GAL: variants seen among roughly 807,000 people sequenced by gnomAD.
The protein encoded by GAL is galanin peptides.
In GAL, 14 loss-of-function variants were observed where a neutral mutation model predicts 15.8. That is an observed-to-expected ratio of 0.89 (90% CI 0.59 to 1.39). The LOEUF (loss-of-function observed/expected upper bound fraction) is 1.39, where lower values mean the gene tolerates loss of function less well. GAL is among the 40% of genes most tolerant of loss of function. GAL has a pLI of 0.00. For missense variants in GAL, 176 were observed against 170.4 expected, an observed-to-expected ratio of 1.03 and a Z score of -0.18; for synonymous variants, 79 against 73.8, an observed-to-expected ratio of 1.07 and a Z score of -0.36.
chr11:68,690,530 A>C (rs1945895357), intron 5 of GAL, among the ~76,000 whole-genome samples: 1 of 152,176 alleles, frequency 6.6e-6, no homozygotes, highest in African/African-American at 2.4e-5. Context: ...GTTGGAGCCC[A>C]GTGGAGCCTC....
rs747411981 is a variant in GAL at position 68,690,983 on chromosome 11, C to T, written c.368C>T (p.Ser123Phe). Residue 123 changes from serine (S) to phenylalanine (F), a missense_variant, in exon 6 of 6, where the codon TCC becomes TTC. Ser to Phe is a radical substitution (Grantham distance 155, BLOSUM62 -2). Coordinates refer to ENST00000265643, the MANE Select transcript of GAL (RefSeq NM_015973.5). ...GCCTCCTCAGAAGACATCGAGCGGT[C>T]CTGAGAGCCTCCTGGGCATGTTTGT... ...AAASSEDIER[S>F] is the part of the protein sequence containing the mutation. 27 of 1,606,256 alleles carry T rather than the reference C, an allele frequency of 1.7e-5. No individual in the cohort carries two copies. In the East Asian group the frequency reaches 4.2e-4, roughly 25 times the overall value.
At chr11:68,685,051 G>C (rs528596322) in intron 2 of GAL, 47 bp downstream of exon 2, 2 of 1,303,172 alleles carry the variant, frequency 1.5e-6, no homozygotes, top group Middle Eastern at 1.9e-4. Context: ...CATCAGAGCC[G>C]GCCGGGCGTG....
At chr11:68,688,321 A>T (rs1349389476) in intron 4 of GAL, among the ~76,000 whole-genome samples, 5 of 152,170 alleles carry the variant, frequency 3.3e-5, no homozygotes, top group Non-Finnish European at 7.3e-5. Context: ...GAGGCTGCCC[A>T]GGCACCAGGG....
Position 68,691,142 on chromosome 11 carries a change from T to C in GAL, c.*155T>C. On this transcript the variant is annotated 3_prime_UTR_variant, in exon 6 of 6. Coordinates refer to ENST00000265643, the MANE Select transcript of GAL (RefSeq NM_015973.5). ...ATTTAAGATTTTTTTTTTTTGGTAA[T>C]TATTTTGAGTGGCAAAATAAAGAAT... The C allele has an allele frequency of 1.7e-6, 1 of 588,192 alleles. No individual in the cohort carries two copies. The highest frequency in any genetic ancestry group is 2.8e-5 in the East Asian group (1 of 36,020). 36.4% of individuals were successfully genotyped at this position (588,192 alleles called of 1,614,324 possible).
At chr11:68,689,792 T>C (rs1241143940) in intron 5 of GAL, among the ~76,000 whole-genome samples, 1 of 152,218 alleles carries the variant, frequency 6.6e-6, no homozygotes, top group African/African-American at 2.4e-5. Flanking sequence ...CAGGCTGCCT[T>C]GAAATCTAAC....
In GAL at chr11:68,684,680, G is replaced by A. The variant is rs530659299; in HGVS notation, c.-53G>A. On this transcript the variant is annotated 5_prime_UTR_variant, in exon 1 of 6. Transcript: ENST00000265643. ...ACGCCCGGACCTGCCGCCCAGACCC[G>A]CCACCGCACCCGGACCCCGACGCTC... 3,376 of 375,248 alleles carry A rather than the reference G, an allele frequency of 9.0e-3. 38 individuals are homozygous for A. Among genetic ancestry groups the A allele is most frequent in the Middle Eastern group, 0.016 (23 of 1,400 alleles). The allele number at this position is 375,248 out of a possible 1,614,324, so 23.2% of individuals were successfully genotyped here.
chr11:68,684,966 G>C lies in GAL; in HGVS notation c.43G>C (p.Ala15Pro). 10 of 1,608,548 alleles carry C rather than the reference G, an allele frequency of 6.2e-6. No homozygotes were observed. Among genetic ancestry groups the C allele is most frequent in the Non-Finnish European group, 8.5e-6 (10 of 1,177,952 alleles). ...CCTCCTGCTCGCCTCCCTCCTCCTC[G>C]CCGCGGCCCTTTCTGCCTCTGCGGG... is the stretch of plus-strand genomic sequence containing the variant. Reference protein sequence around the residue: ...SALLLASLLLAAALSASAGLW... With the variant: ...SALLLASLLLPAALSASAGLW... Residue 15 changes from alanine (A) to proline (P), a missense_variant, in exon 2 of 6, where the codon GCC (alanine) becomes CCC (proline). Physicochemically the swap from Ala to Pro is conservative, Grantham distance 27 (BLOSUM62 -1). Coordinates refer to ENST00000265643, the MANE Select transcript of GAL (RefSeq NM_015973.5).
chr11:68,684,993 C>T lies in GAL; in HGVS notation c.70C>T (p.Leu24Phe). 6 of 1,598,990 alleles carry T rather than the reference C, an allele frequency of 3.8e-6. No homozygotes were observed. The highest frequency in any genetic ancestry group is 2.3e-5 in the South Asian group (2 of 88,748). The change falls in exon 2 of 6, where the codon CTC becomes TTC. Residue 24 changes from leucine (L) to phenylalanine (F), a missense_variant. Transcript: ENST00000265643. ...CGCGGCCCTTTCTGCCTCTGCGGGGCTCTGGTCGCCGGTAAGTGCGGGGCG... is the reference window on the plus strand; with the variant it reads ...CGCGGCCCTTTCTGCCTCTGCGGGGTTCTGGTCGCCGGTAAGTGCGGGGCG... ...LAAALSASAG[L>F]WSPAKEKRGW...
At chr11:68,685,480 A>G in intron 2 of GAL, 114 bp from the exon 3 acceptor site, 1 of 749,948 alleles carries the variant, frequency 1.3e-6, no homozygotes, top group Non-Finnish European at 2.4e-6. Flanking sequence ...CGAGCTATCC[A>G]AAAGCACATG....
intron 4 of GAL, among the ~76,000 whole-genome samples, 155 bp from the exon 5 acceptor site, chr11:68,688,694 T>C (rs1236941288): frequency 6.6e-6 from 1 of 152,024 alleles, no homozygotes; most frequent in Admixed American, 6.5e-5. Flanking sequence ...CTCCCTCACA[T>C]TGAACAAGGG....
intron 3 of GAL, among the ~76,000 whole-genome samples, chr11:68,687,734 T>C (rs1945867052): frequency 6.6e-6 from 1 of 152,058 alleles, no homozygotes; most frequent in African/African-American, 2.4e-5. Context: ...ACAGGGCAGG[T>C]TCTGGGCCTC....
rs1005559426 is a variant in GAL at position 68,686,028 on chromosome 11, C to T, written c.136+380C>T. 2.6e-5 allele frequency among the ~76,000 whole-genome samples: 4 copies of T among 152,168 alleles called. No individual in the cohort carries two copies. In the East Asian group the frequency reaches 7.7e-4, roughly 29 times the overall value. ...GGACCCCAAATCCTGCCTCCCTCTTCCCTTTCTCCAAGCTCCACACGGGAA... is the reference window on the plus strand; with the variant it reads ...GGACCCCAAATCCTGCCTCCCTCTTTCCTTTCTCCAAGCTCCACACGGGAA... On this transcript the variant is annotated intron_variant, in intron 3 of 5. Coordinates refer to ENST00000265643, the MANE Select transcript of GAL (RefSeq NM_015973.5).
intron 4 of GAL, among the ~76,000 whole-genome samples, chr11:68,688,301 T>A (rs1945873616): frequency 6.6e-6 from 1 of 152,058 alleles, no homozygotes; most frequent in South Asian, 2.1e-4. Context: ...AAGGGGTCCT[T>A]CTAGGCTGGG....
intron 3 of GAL, among the ~76,000 whole-genome samples, chr11:68,686,112 C>T (rs1283222586): frequency 6.6e-6 from 1 of 152,212 alleles, no homozygotes; most frequent in Non-Finnish European, 1.5e-5. Flanking sequence ...GTTCAGGTGA[C>T]CCTGCCTGCC....
intron 3 of GAL, among the ~76,000 whole-genome samples, chr11:68,686,714 T>A (rs1945856937): frequency 6.6e-6 from 1 of 152,078 alleles, no homozygotes; most frequent in African/African-American, 2.4e-5. Flanking sequence ...CCTCTCATCC[T>A]CTCCCTGCCC....
chr11:68,686,725 A>G (rs183892002), intron 3 of GAL, among the ~76,000 whole-genome samples: 138 of 152,204 alleles, frequency 9.1e-4, no homozygotes, highest in African/African-American at 2.9e-3. Flanking sequence ...CTCCCTGCCC[A>G]TGGAGTGGCC....
intron 3 of GAL, among the ~76,000 whole-genome samples, chr11:68,685,961 A>C (rs3136537): frequency 0.034 from 5,168 of 152,148 alleles, 125 homozygotes; most frequent in Non-Finnish European, 0.049. Flanking sequence ...CGGGTCTCCC[A>C]AAACACTCAA....
chr11:68,685,743 C>A (rs891070816), intron 3 of GAL, 95 bp downstream of exon 3: 5 of 807,688 alleles, frequency 6.2e-6, no homozygotes, highest in Non-Finnish European at 1.1e-5. Context: ...GCTGGGCAGA[C>A]CCTCTGGCCT....
rs1230808063 is a variant in GAL, at chr11:68,690,899, T to C, written c.302-18T>C. ...ATATTAAGAAGTTGCTGCTCAGATGTGGCTCTTCCCTTTGCAGAGGCCGGT... is the reference window on the plus strand; with the variant it reads ...ATATTAAGAAGTTGCTGCTCAGATGCGGCTCTTCCCTTTGCAGAGGCCGGT... On this transcript the variant is annotated intron_variant, in intron 5 of 5. Coordinates refer to ENST00000265643, the MANE Select transcript of GAL (RefSeq NM_015973.5). The C allele has an allele frequency of 6.3e-7, 1 of 1,575,206 alleles. No homozygotes were observed.
Sources: allele counts gnomAD v4.1 joint callset (sites outside exome capture counted in the v4.1 genomes callset), GRCh38; gene constraint gnomAD v4.1.1; transcripts MANE v1.5; gene names NCBI Gene and HGNC (gene_info 2026-07-23, HGNC 2026-07-21).